ADA: variants seen among roughly 807,000 people sequenced by gnomAD.
The protein encoded by ADA is adenosine deaminase.
ADA carries 45 observed loss-of-function variants against 49.0 expected under a neutral mutation model. The observed-to-expected ratio is 0.92, with a 90% CI of 0.72 to 1.18. The LOEUF (loss-of-function observed/expected upper bound fraction) is 1.18. Ranked by LOEUF, ADA falls within the 50% of genes most tolerant of loss-of-function variation. ADA has a pLI of 0.00. For synonymous variants in ADA, 173 were observed against 184.2 expected (o/e 0.94, Z 0.49); for missense variants, 445 against 472.5 (o/e 0.94, Z 0.54).
At position 44,619,740 on chromosome 20, in the gene ADA, A is replaced by T; in HGVS notation, c.*94T>A. On this transcript the variant is annotated 3_prime_UTR_variant, in exon 12 of 12. Coordinates refer to ENST00000372874, the MANE Select transcript of ADA (RefSeq NM_000022.4). ...GCATCAGTAACTGACTATTGAGATC[A>T]TGGTCTTCTTGGAAGGAATAAATGT... 1.3e-6 allele frequency: 2 copies of T among 1,518,622 alleles called. No individual in the cohort carries two copies. The highest frequency in any genetic ancestry group is 1.8e-6 in the Non-Finnish European group (2 of 1,093,830). The allele number at this position is 1,518,622 out of a possible 1,614,324, so 94.1% of individuals were successfully genotyped here.
At chr20:44,636,072 A>T (rs1443637030) in intron 2 of ADA, 155 bp downstream of exon 2, 3 of 742,974 alleles carry the variant, frequency 4.0e-6, no homozygotes, top group Non-Finnish European at 7.1e-6. Flanking sequence ...TGAGGCCTCC[A>T]TGTCCTCACA....
chr20:44,620,581 A>C (rs1325272149), intron 10 of ADA, 180 bp from the exon 11 acceptor site: 2 of 669,920 alleles, frequency 3.0e-6, no homozygotes, highest in Non-Finnish European at 2.7e-6. Flanking sequence ...TCGTGTTCTT[A>C]ATTTGTCATT....
intron 9 of ADA, 57 bp downstream of exon 9, chr20:44,622,531 T>C: frequency 6.2e-7 from 1 of 1,601,238 alleles, no homozygotes; most frequent in Non-Finnish European, 8.6e-7. Context: ...CTAAAGTTTC[T>C]TCCCTCTTTG....
chr20:44,634,612 G>T (rs1336776481), intron 2 of ADA, among the ~76,000 whole-genome samples: 1 of 152,376 alleles, frequency 6.6e-6, no homozygotes, highest in Admixed American at 6.5e-5. Flanking sequence ...GCACTTAAAG[G>T]AGTGTTTGGC....
intron 1 of ADA, among the ~76,000 whole-genome samples, chr20:44,637,214 G>A (rs1440624031): frequency 6.6e-6 from 1 of 152,168 alleles, no homozygotes; most frequent in African/African-American, 2.4e-5. Context: ...AGGATCCTTG[G>A]AGGCAGCCCA....
intron 1 of ADA, among the ~76,000 whole-genome samples, chr20:44,639,665 G>A (rs1600941193): frequency 6.6e-6 from 1 of 151,966 alleles, no homozygotes; most frequent in African/African-American, 2.4e-5. Context: ...TGCCCACCTC[G>A]GCCTCCCAAA....
At chr20:44,651,230 G>C (rs2065642847) in intron 1 of ADA, among the ~76,000 whole-genome samples, 1 of 152,160 alleles carries the variant, frequency 6.6e-6, no homozygotes, top group African/African-American at 2.4e-5. Flanking sequence ...CGTAGACATC[G>C]GGCCTGATCA....
In ADA at chr20:44,649,633, A is replaced by G. The variant is rs145007829; in HGVS notation, c.33+1942T>C. Among the ~76,000 whole-genome samples, 308 of 150,924 alleles carry G rather than the reference A, an allele frequency of 2.0e-3. 3 individuals carry two copies. In the Middle Eastern group the frequency reaches 0.02, roughly 10 times the overall value. ...CCCTCCCTTGATGGGCTGTTACAGA[A>G]GAACTGCAAGGATCCAATGGGTGTC... On this transcript the variant is annotated intron_variant, in intron 1 of 11. Coordinates refer to ENST00000372874, the MANE Select transcript of ADA (RefSeq NM_000022.4).
chr20:44,645,098 A>G (rs1171836550), intron 1 of ADA, among the ~76,000 whole-genome samples: 1 of 152,144 alleles, frequency 6.6e-6, no homozygotes, highest in African/African-American at 2.4e-5. Flanking sequence ...ACATCTAAAC[A>G]GGGGCCAGGT....
rs548364089 is a variant in ADA, at chr20:44,635,748, A to C, written c.95+479T>G. On this transcript the variant is annotated intron_variant, in intron 2 of 11. Transcript: ENST00000372874. ...CCCCATCTCCGCTAAAAATACAAAA[A>C]TTAGCTGGATGTGGTGGCATGTGCT... Among the ~76,000 whole-genome samples, 7 of 152,268 alleles carry C rather than the reference A, an allele frequency of 4.6e-5. No homozygotes were observed. In the South Asian group the frequency reaches 1.2e-3, roughly 27 times the overall value.
chr20:44,633,438 C>T (rs1355732733), intron 2 of ADA, among the ~76,000 whole-genome samples: 2 of 152,146 alleles, frequency 1.3e-5, no homozygotes, highest in Non-Finnish European at 2.9e-5. Context: ...AAGCAAGGAG[C>T]CTTAGAGAGG....
chr20:44,624,300 T>TA lies in ADA; in HGVS notation c.507dup (p.Lys170Ter), dbSNP rs1568844677. ...ACCACGGTCTGCTGCTGGTACTTCT[T>TA]ACACAGCTCCACCACCTTGGGGGAC... is the stretch of plus-strand genomic sequence containing the variant. On this transcript the variant is annotated frameshift_variant, in exon 6 of 12. Transcript: ENST00000372874. LOFTEE classifies it high-confidence loss of function. The TA allele has an allele frequency of 1.2e-6, 2 of 1,613,850 alleles. No individual in the cohort carries two copies. The highest frequency in any genetic ancestry group is 2.2e-5 in the South Asian group (2 of 91,066).
chr20:44,635,667 G>T (rs534613491), intron 2 of ADA, among the ~76,000 whole-genome samples: 1 of 152,190 alleles, frequency 6.6e-6, no homozygotes, highest in Non-Finnish European at 1.5e-5. Context: ...GGGAGGCCAA[G>T]CTGGGTGGAT....
intron 6 of ADA, 111 bp downstream of exon 6, chr20:44,624,091 T>C (rs2065359171): frequency 1.4e-6 from 2 of 1,462,982 alleles, no homozygotes; most frequent in South Asian, 2.4e-5. Flanking sequence ...AAAGACACAC[T>C]TCAGAACTCA....
intron 1 of ADA, among the ~76,000 whole-genome samples, chr20:44,637,509 T>A (rs2047884257): frequency 6.6e-6 from 1 of 152,100 alleles, no homozygotes; most frequent in Non-Finnish European, 1.5e-5. Context: ...TTCCAAATGA[T>A]GGAAGCTTTC....
intron 1 of ADA, 79 bp downstream of exon 1, chr20:44,651,496 C>T: frequency 4.2e-6 from 6 of 1,412,064 alleles, no homozygotes; most frequent in Non-Finnish European, 5.8e-6. Context: ...GGTTTGGACG[C>T]CCCGGGCTGG....
chr20:44,626,275 G>A, intron 4 of ADA, 181 bp downstream of exon 4: 3 of 833,114 alleles, frequency 3.6e-6, no homozygotes, highest in Non-Finnish European at 3.8e-6. Flanking sequence ...GGCAAAGGGA[G>A]GATGGGAACC....
At chr20:44,643,089 G>A (rs1782702181) in intron 1 of ADA, among the ~76,000 whole-genome samples, 1 of 152,208 alleles carries the variant, frequency 6.6e-6, no homozygotes, top group Non-Finnish European at 1.5e-5. Context: ...AACACACCAT[G>A]GGAAGTCTGT....
In ADA at chr20:44,621,083, G is replaced by GGTAATCT; in HGVS notation, c.909_910insAGATTAC (p.Leu304ArgfsTer6). On this transcript the variant is annotated frameshift_variant, in exon 10 of 12. Coordinates refer to ENST00000372874, the MANE Select transcript of ADA (RefSeq NM_000022.4). LOFTEE classifies it high-confidence loss of function. Reference sequence around the variant, plus strand: ...TTGGTCATCTGGTAATCAGTGTCCAGGGTGGACTTGAAGATGAGCGGGTCA... The same window carrying GGTAATCT: ...TTGGTCATCTGGTAATCAGTGTCCAGGTAATCTGGTGGACTTGAAGATGAGCGGGTCA... 6.2e-7 allele frequency: 1 copy of GGTAATCT among 1,614,238 alleles called. No homozygotes were observed. The highest frequency in any genetic ancestry group is 2.2e-5 in the East Asian group (1 of 44,888).
Sources: allele counts gnomAD v4.1 joint callset (sites outside exome capture counted in the v4.1 genomes callset), GRCh38; gene constraint gnomAD v4.1.1; transcripts MANE v1.5; gene names NCBI Gene and HGNC (gene_info 2026-07-23, HGNC 2026-07-21).